The following MARCHF1 variants were observed in gnomAD, a reference collection of about 807,000 sequenced individuals.
MARCHF1 encodes E3 ubiquitin-protein ligase MARCHF1.
A neutral mutation model predicts 54.2 loss-of-function variants in MARCHF1; 40 were observed. The observed-to-expected ratio is 0.74, with a 90% CI of 0.57 to 0.96. The LOEUF is 0.96. Among genes scored for constraint, MARCHF1 ranks in the 40% least tolerant of loss-of-function variants. The probability of loss-of-function intolerance (pLI) is 0.00; values close to 1 mark genes in which losing one functional copy is unlikely to be tolerated. For synonymous variants in MARCHF1, 236 were observed against 236.3 expected (o/e 1.00, Z 0.01); for missense variants, 586 against 656.5 (o/e 0.89, Z 1.17).
chr4:163,643,351 T>TAAAA (rs1266219697), intron 5 of MARCHF1, among the ~76,000 whole-genome samples: 1 of 151,176 alleles, frequency 6.6e-6, no homozygotes, highest in Non-Finnish European at 1.5e-5. Context: ...AAAATAAAAA[T>TAAAA]AAAAATAAAT....
chr4:163,723,224 G>A (rs1248227565), intron 4 of MARCHF1, among the ~76,000 whole-genome samples: 5 of 152,124 alleles, frequency 3.3e-5, no homozygotes, highest in Non-Finnish European at 7.4e-5. Context: ...GCCTGGTGGT[G>A]ACAAAATCTC....
At chr4:163,540,560 C>T (rs1294036656) in intron 9 of MARCHF1, among the ~76,000 whole-genome samples, 4 of 152,130 alleles carry the variant, frequency 2.6e-5, no homozygotes, top group Admixed American at 2.6e-4. Flanking sequence ...AATTATGTGT[C>T]ATATATGTAC....
At chr4:164,224,694 T>G (rs1033891118) in intron 1 of MARCHF1, among the ~76,000 whole-genome samples, 2 of 152,066 alleles carry the variant, frequency 1.3e-5, no homozygotes, top group African/African-American at 4.8e-5. Context: ...ATTGACAGTA[T>G]GTAGAATGCT....
intron 3 of MARCHF1, among the ~76,000 whole-genome samples, chr4:163,879,876 T>C (rs1750377799): frequency 6.6e-6 from 1 of 151,626 alleles, no homozygotes; most frequent in Non-Finnish European, 1.5e-5. Context: ...GCAATGTAAC[T>C]TGCATACATT....
intron 2 of MARCHF1, among the ~76,000 whole-genome samples, chr4:164,108,055 T>A (rs1296329570): frequency 6.6e-6 from 1 of 152,116 alleles, no homozygotes; most frequent in Admixed American, 6.6e-5. Context: ...GTCCTACCTT[T>A]TTTTTCTTAT....
intron 1 of MARCHF1, among the ~76,000 whole-genome samples, chr4:164,322,494 C>T (rs1470589393): frequency 6.6e-6 from 1 of 151,776 alleles, no homozygotes; most frequent in African/African-American, 2.4e-5. Context: ...ATAAATAAGA[C>T]CTACTATTTG....
chr4:164,100,466 T>C (rs573761523), intron 2 of MARCHF1, among the ~76,000 whole-genome samples: 38 of 152,238 alleles, frequency 2.5e-4, no homozygotes, highest in Non-Finnish European at 4.9e-4. Flanking sequence ...TGCACACAGG[T>C]ACTTCCAACT....
At chr4:164,005,954 A>C (rs1354798865) in intron 2 of MARCHF1, among the ~76,000 whole-genome samples, 1 of 152,206 alleles carries the variant, frequency 6.6e-6, no homozygotes, top group Non-Finnish European at 1.5e-5. Context: ...AGCAATAAAG[A>C]TTTCCCAAGC....
intron 3 of MARCHF1, among the ~76,000 whole-genome samples, chr4:163,947,494 A>G (rs1752047725): frequency 6.6e-6 from 1 of 152,200 alleles, no homozygotes; most frequent in Non-Finnish European, 1.5e-5. Context: ...TCCACATAAG[A>G]GGGAGGCAGA....
At chr4:164,048,040 T>G (rs1276235649) in intron 2 of MARCHF1, among the ~76,000 whole-genome samples, 3 of 152,146 alleles carry the variant, frequency 2.0e-5, no homozygotes, top group African/African-American at 7.2e-5. Flanking sequence ...TTAAAAAATT[T>G]AAGCAAAAGT....
intron 1 of MARCHF1, among the ~76,000 whole-genome samples, chr4:164,165,197 T>C (rs764587557): frequency 1.6e-4 from 25 of 152,066 alleles, no homozygotes; most frequent in Admixed American, 4.6e-4. Context: ...TGTTGTGGAC[T>C]GAATATTTGT....
intron 3 of MARCHF1, among the ~76,000 whole-genome samples, chr4:163,884,145 C>T (rs1410347487): frequency 2.6e-5 from 4 of 152,034 alleles, no homozygotes; most frequent in African/African-American, 7.2e-5. Context: ...CCATCAGTGG[C>T]GTAGCTCAGG....
chr4:164,268,118 G>A lies in MARCHF1; in HGVS notation c.-323+115752C>T, dbSNP rs545215138. On this transcript the variant is annotated intron_variant, in intron 1 of 9. Coordinates refer to ENST00000514618, the MANE Select transcript of MARCHF1 (RefSeq NM_001394959.1). ...ACAAAATGGGGGTAGCAGCAACATG[G>A]GTAGCATATTCAAATTTGAAAAGAC... 2.0e-5 allele frequency among the ~76,000 whole-genome samples: 3 copies of A among 152,186 alleles called. No homozygotes were observed. The South Asian group carries it at 6.2e-4, about 32-fold the overall frequency.
chr4:163,733,414 A>G (rs540653354), intron 4 of MARCHF1, among the ~76,000 whole-genome samples: 6 of 139,712 alleles, frequency 4.3e-5, no homozygotes, highest in South Asian at 2.3e-4. Flanking sequence ...TTTTTAAGGG[A>G]AAAAAAAAAC....
intron 3 of MARCHF1, among the ~76,000 whole-genome samples, chr4:163,968,461 T>G (rs1449031121): frequency 2.6e-5 from 4 of 152,206 alleles, no homozygotes; most frequent in African/African-American, 9.6e-5. Flanking sequence ...AGACCTCATG[T>G]CTTTCTCGAA....
chr4:164,130,144 C>T (rs1756270255), intron 1 of MARCHF1: 1 of 151,888 alleles, frequency 6.6e-6, no homozygotes, highest in Admixed American at 6.6e-5. Context: ...CATTATTATT[C>T]TAAACTTAAG....
At chr4:163,733,167 C>CTG (rs1745896313) in intron 4 of MARCHF1, among the ~76,000 whole-genome samples, 1 of 63,260 alleles carries the variant, frequency 1.6e-5, no homozygotes. Flanking sequence ...CTCTCTCTCT[C>CTG]TGTATGTGTG....
intron 2 of MARCHF1, among the ~76,000 whole-genome samples, chr4:164,078,105 C>T (rs1379555690): frequency 6.6e-6 from 1 of 152,050 alleles, no homozygotes; most frequent in Non-Finnish European, 1.5e-5. Context: ...AGCGCTGTTC[C>T]CAATAGCAAA....
intron 2 of MARCHF1, among the ~76,000 whole-genome samples, chr4:164,071,942 A>T (rs555267143): frequency 2.6e-5 from 4 of 152,056 alleles, no homozygotes; most frequent in South Asian, 4.1e-4. Flanking sequence ...TGAATTTTTT[A>T]GTGCAGCAAA....
Sources: gnomAD v4.1 joint callset for allele counts (sites outside exome capture counted in the v4.1 genomes callset) on GRCh38, gnomAD v4.1.1 for gene constraint, MANE v1.5 for transcripts, NCBI Gene and HGNC (gene_info 2026-07-23, HGNC 2026-07-21) for gene names.